Variants in MYOF observed in about 807,000 individuals in gnomAD.
The protein encoded by MYOF is fer-1-like 3, myoferlin.
MYOF carries 244 observed loss-of-function variants against 284.2 expected under a neutral mutation model. The ratio of observed to expected loss-of-function variants is 0.86; its 90% CI spans 0.77 to 0.95. The LOEUF is 0.95. Among genes scored for constraint, MYOF ranks in the 40% least tolerant of loss-of-function variants. The pLI is 0.00. For missense variants in MYOF, 2,496 were observed against 2,560.6 expected (o/e 0.97, Z 0.54); for synonymous variants, 904 against 919.7 (o/e 0.98, Z 0.31).
At chr10:93,329,195 A>G (rs1179977675) in intron 44 of MYOF, among the ~76,000 whole-genome samples, 4 of 152,172 alleles carry the variant, frequency 2.6e-5, no homozygotes, top group Non-Finnish European at 1.5e-5. Flanking sequence ...ATAATAGGCA[A>G]ACTCATAAAC....
Position 93,480,289 on chromosome 10 carries a change from G to A in MYOF, c.88+1818C>T, listed in dbSNP as rs958909924. ...TTTTAAGCTGGGCGTGGTAGTTTACGCCTGTAATCCCAACACTTTGGGAAG... is the reference window on the plus strand; with the variant it reads ...TTTTAAGCTGGGCGTGGTAGTTTACACCTGTAATCCCAACACTTTGGGAAG... On this transcript the variant is annotated intron_variant, in intron 1 of 53. Transcript: ENST00000359263. Among the ~76,000 whole-genome samples, 4 of 152,174 alleles carry A rather than the reference G, an allele frequency of 2.6e-5. No individual in the cohort carries two copies. The East Asian group carries it at 5.8e-4, about 22-fold the overall frequency.
chr10:93,361,419 A>C (rs766918631), intron 28 of MYOF, 33 bp downstream of exon 28: 75 of 1,597,186 alleles, frequency 4.7e-5, no homozygotes, highest in Non-Finnish European at 6.1e-5. Flanking sequence ...CCTGCTGCAG[A>C]GCCCCAATCA....
intron 3 of MYOF, among the ~76,000 whole-genome samples, chr10:93,437,612 A>G (rs1415920623): frequency 6.6e-6 from 1 of 152,212 alleles, no homozygotes; most frequent in Non-Finnish European, 1.5e-5. Context: ...ACCTCTAAGC[A>G]GGAACAGCAA....
intron 11 of MYOF, 97 bp downstream of exon 11, chr10:93,402,135 G>T: frequency 2.3e-6 from 2 of 887,026 alleles, no homozygotes; most frequent in Non-Finnish European, 3.7e-6. Flanking sequence ...TTGACGGGAA[G>T]CTGTGCTCCA....
Position 93,336,019 on chromosome 10 carries a change from C to T in MYOF, c.4465G>A (p.Ala1489Thr). The change falls in exon 41 of 54, where the codon GCA becomes ACA. Residue 1489 changes from alanine (A) to threonine (T), a missense_variant. Transcript: ENST00000359263. ...AAGTCTGTCAGGCCCTCAAATTCTG[C>T]TACATTTTCTAGTTCACAATTATAT... ...KIYNCELENV[A>T]EFEGLTDFSD... is the part of the protein sequence containing the mutation. The T allele has an allele frequency of 6.2e-7, 1 of 1,613,962 alleles. No homozygotes were observed. The highest frequency in any genetic ancestry group is 1.3e-5 in the African/African-American group (1 of 75,034).
At chr10:93,336,451 C>T (rs968979003) in intron 40 of MYOF, among the ~76,000 whole-genome samples, 2 of 152,142 alleles carry the variant, frequency 1.3e-5, no homozygotes, top group African/African-American at 2.4e-5. Context: ...AAAACTACAA[C>T]GTGGGGATAA....
intron 19 of MYOF, among the ~76,000 whole-genome samples, chr10:93,386,017 A>T (rs1201706038): frequency 1.3e-5 from 2 of 152,218 alleles, no homozygotes; most frequent in Non-Finnish European, 2.9e-5. Flanking sequence ...TGGTTATTTA[A>T]AACAAAGAGA....
chr10:93,480,982 C>G (rs558911465), intron 1 of MYOF, among the ~76,000 whole-genome samples: 1 of 152,214 alleles, frequency 6.6e-6, no homozygotes, highest in South Asian at 2.1e-4. Flanking sequence ...TCCATGCTCC[C>G]ACTCTCTCTG....
At chr10:93,377,279 A>C in intron 22 of MYOF, 44 bp downstream of exon 22, 4 of 1,279,000 alleles carry the variant, frequency 3.1e-6, no homozygotes, top group Non-Finnish European at 4.6e-6. Context: ...TTCAGGGAGG[A>C]GCGCCTGGAT....
intron 25 of MYOF, among the ~76,000 whole-genome samples, chr10:93,367,820 G>T (rs1275964332): frequency 1.3e-5 from 2 of 151,898 alleles, no homozygotes; most frequent in South Asian, 2.1e-4. Flanking sequence ...TCTCGGGGGT[G>T]GGGGGGAATT....
intron 12 of MYOF, 88 bp from the exon 13 acceptor site, chr10:93,399,583 G>T: frequency 1.2e-6 from 1 of 867,268 alleles, no homozygotes. Context: ...CATCAAAATA[G>T]TTGCAACAGG....
At chr10:93,330,056 C>T (rs931806685) in intron 43 of MYOF, among the ~76,000 whole-genome samples, 1 of 152,152 alleles carries the variant, frequency 6.6e-6, no homozygotes, top group Non-Finnish European at 1.5e-5. Context: ...AACCTGTGGG[C>T]TTTAAATGCC....
chr10:93,394,445 TG>T (rs1378588632), intron 16 of MYOF, among the ~76,000 whole-genome samples: 14 of 125,276 alleles, frequency 1.1e-4, no homozygotes, highest in Non-Finnish European at 6.6e-5. Flanking sequence ...GTCACCATCT[TG>T]TCTTTTTTTT....
At chr10:93,351,996 T>A in intron 32 of MYOF, 150 bp from the exon 33 acceptor site, 1 of 715,170 alleles carries the variant, frequency 1.4e-6, no homozygotes, top group East Asian at 3.0e-5. Context: ...GAGCAGGGAG[T>A]TCCCCATGGA....
chr10:93,449,999 T>C (rs1429612197), intron 3 of MYOF, among the ~76,000 whole-genome samples: 2 of 152,064 alleles, frequency 1.3e-5, no homozygotes, highest in Non-Finnish European at 2.9e-5. Flanking sequence ...ACTGTACCCC[T>C]GTAATCCCAG....
At chr10:93,476,137 A>G (rs749180530) in intron 1 of MYOF, among the ~76,000 whole-genome samples, 9 of 150,914 alleles carry the variant, frequency 6.0e-5, no homozygotes, top group African/African-American at 1.7e-4. Context: ...GATGAGTCCT[A>G]TGGTGCTCAC....
Position 93,319,910 on chromosome 10 carries a change from A to G in MYOF, c.5560T>C (p.Tyr1854His). 6.2e-7 allele frequency: 1 copy of G among 1,614,228 alleles called. No homozygotes were observed. The highest frequency in any genetic ancestry group is 2.2e-5 in the East Asian group (1 of 44,890). ...ATACAGAGTTGTTCGGCTGGAAGGT[A>G]GTCAAACGGGAAAACAAATCGCCAG... is the stretch of plus-strand genomic sequence containing the variant. Reference protein sequence around the residue: ...FNWRFVFPFDYLPAEQLCIVA... With the variant: ...FNWRFVFPFDHLPAEQLCIVA... Residue 1854 changes from tyrosine to histidine, a missense_variant, in exon 49 of 54, where the codon TAC (tyrosine) becomes CAC (histidine). Coordinates refer to ENST00000359263, the MANE Select transcript of MYOF (RefSeq NM_013451.4).
At chr10:93,406,502 C>T (rs1047781008) in intron 7 of MYOF, among the ~76,000 whole-genome samples, 1 of 150,766 alleles carries the variant, frequency 6.6e-6, no homozygotes, top group African/African-American at 2.4e-5. Context: ...AGGAAGCCTG[C>T]ATTATCAATG....
intron 31 of MYOF, 39 bp downstream of exon 31, chr10:93,355,589 A>C (rs757453296): frequency 2.0e-6 from 3 of 1,513,646 alleles, no homozygotes; most frequent in East Asian, 2.3e-5. Flanking sequence ...TGAAAAAATA[A>C]AATAAAATAA....
Sources: allele counts gnomAD v4.1 joint callset (sites outside exome capture counted in the v4.1 genomes callset), GRCh38; gene constraint gnomAD v4.1.1; transcripts MANE v1.5; gene names NCBI Gene and HGNC (gene_info 2026-07-23, HGNC 2026-07-21).